BTBD7: variants seen among roughly 807,000 people sequenced by gnomAD.
BTBD7 encodes the protein BTB/POZ domain-containing protein 7.
BTBD7 carries 38 observed loss-of-function variants against 99.9 expected under a neutral mutation model. That is an observed-to-expected ratio of 0.38 (90% CI 0.29 to 0.50). The LOEUF is 0.50. BTBD7 is among the 20% of genes least tolerant of loss of function. BTBD7 has a pLI of 0.93. For synonymous variants in BTBD7, 520 were observed against 511.4 expected, an observed-to-expected ratio of 1.02 and a Z score of -0.23; for missense variants, 1,170 against 1,394.6, an observed-to-expected ratio of 0.84 and a Z score of 2.57.
chr14:93,316,426 A>AT (rs2053207587), intron 1 of BTBD7, among the ~76,000 whole-genome samples: 2 of 151,132 alleles, frequency 1.3e-5, no homozygotes, highest in South Asian at 2.1e-4. Context: ...ATTTATTTTT[A>AT]TTTTTTCTGT....
At chr14:93,259,299 T>G (rs1269890388) in intron 5 of BTBD7, among the ~76,000 whole-genome samples, 1 of 152,224 alleles carries the variant, frequency 6.6e-6, no homozygotes, top group Non-Finnish European at 1.5e-5. Context: ...ACTCATGTAT[T>G]ATCTCTGTAT....
In BTBD7 at chr14:93,257,297, C is replaced by T. The variant is rs1196781748; in HGVS notation, c.1506G>A (p.Arg502=). The T allele has an allele frequency of 1.2e-6, 2 of 1,614,048 alleles. No individual in the cohort carries two copies. Among genetic ancestry groups the T allele is most frequent in the Non-Finnish European group, 1.7e-6 (2 of 1,179,964 alleles). Residue 502 remains arginine (R), a synonymous_variant, in exon 6 of 11, where the codon CGG becomes CGA. Transcript: ENST00000334746. The part of the protein sequence containing the change: ...HSVNKRGVKR[R]DLDMEELREI... Reference sequence around the variant, plus strand: ...CTCTGAGCTCTTCCATGTCCAGGTCCCGTCTTTTTACACCTCTTTTGTTCA... The same window carrying T: ...CTCTGAGCTCTTCCATGTCCAGGTCTCGTCTTTTTACACCTCTTTTGTTCA...
chr14:93,256,292 T>C (rs1405127726), intron 6 of BTBD7: 1 of 152,196 alleles, frequency 6.6e-6, no homozygotes, highest in African/African-American at 2.4e-5. Context: ...TGTTTTATAA[T>C]GTTCCTGTGC....
intron 10 of BTBD7, 148 bp from the exon 11 acceptor site, chr14:93,243,236 C>A (rs143104911): frequency 3.1e-5 from 23 of 739,532 alleles, no homozygotes; most frequent in Non-Finnish European, 4.1e-5. Flanking sequence ...CTCTGTCGCC[C>A]GGGCTGGAGT....
At chr14:93,290,759 C>G (rs998743727) in intron 3 of BTBD7, among the ~76,000 whole-genome samples, 5 of 151,882 alleles carry the variant, frequency 3.3e-5, no homozygotes, top group African/African-American at 1.2e-4. Flanking sequence ...GGTGCGATCT[C>G]AGCTCACTGC....
chr14:93,329,391 A>G (rs1486521806), intron 1 of BTBD7, among the ~76,000 whole-genome samples: 5 of 152,206 alleles, frequency 3.3e-5, no homozygotes, highest in Non-Finnish European at 7.3e-5. Flanking sequence ...GTATTGGTGA[A>G]GATGTAGAGA....
chr14:93,297,647 T>A (rs1245193374), intron 1 of BTBD7, among the ~76,000 whole-genome samples: 2 of 152,154 alleles, frequency 1.3e-5, no homozygotes, highest in Non-Finnish European at 2.9e-5. Flanking sequence ...GTCTAACAAA[T>A]CTTACTTTTA....
At chr14:93,262,163 C>T (rs942507037) in intron 4 of BTBD7, among the ~76,000 whole-genome samples, 3 of 148,430 alleles carry the variant, frequency 2.0e-5, no homozygotes, top group Admixed American at 6.8e-5. Flanking sequence ...GAGGGAGTCT[C>T]GCGCTGTTGC....
In BTBD7 at chr14:93,277,784, C is replaced by T. The variant is rs79846550; in HGVS notation, c.1163-13791G>A. 3.2e-4 allele frequency among the ~76,000 whole-genome samples: 48 copies of T among 152,190 alleles called. 1 individual carries two copies. The highest frequency in any genetic ancestry group is 1.6e-3 in the Admixed American group (25 of 15,282). ...ACTACCAAAGCAAGCACAGGATTTG[C>T]GGGATGTGCAAGGGGGAAGGGAGGG... On this transcript the variant is annotated intron_variant, in intron 3 of 10. Transcript: ENST00000334746.
chr14:93,286,152 C>T (rs1414442843), intron 3 of BTBD7, among the ~76,000 whole-genome samples: 1 of 152,194 alleles, frequency 6.6e-6, no homozygotes, highest in Non-Finnish European at 1.5e-5. Flanking sequence ...AGAAAAAATT[C>T]TCTATAGTCC....
rs774228488 is a variant in BTBD7, at chr14:93,294,454, C to T, written c.566G>A (p.Gly189Asp). The change falls in exon 3 of 11, where the codon GGT (glycine) becomes GAT (aspartate). Residue 189 changes from glycine to aspartate, a missense_variant. Transcript: ENST00000334746. Reference protein sequence around the residue: ...AEIIMDINTAGIDMPMFSALL... With the variant: ...AEIIMDINTADIDMPMFSALL... ...AGCAGAAAACATGGGCATATCAATA[C>T]CAGCTGTATTGATGTCCATTATTAT... 1 of 1,614,102 alleles carries T rather than the reference C, an allele frequency of 6.2e-7. No homozygotes were observed. Among genetic ancestry groups the T allele is most frequent in the Non-Finnish European group, 8.5e-7 (1 of 1,180,034 alleles).
chr14:93,326,802 TA>T (rs71462002), intron 1 of BTBD7, among the ~76,000 whole-genome samples: 88,712 of 146,058 alleles, frequency 0.61, 28,358 homozygotes, highest in African/African-American at 0.86. Context: ...AAACTCTGTC[TA>T]AAAAAAAAAA....
At chr14:93,322,215 C>A (rs74440361) in intron 1 of BTBD7, among the ~76,000 whole-genome samples, 1 of 152,208 alleles carries the variant, frequency 6.6e-6, no homozygotes, top group Non-Finnish European at 1.5e-5. Flanking sequence ...TGGGCTCAAG[C>A]GATCCTTCCA....
intron 3 of BTBD7, among the ~76,000 whole-genome samples, chr14:93,284,207 T>C (rs189654613): frequency 1.0e-3 from 158 of 152,316 alleles, no homozygotes; most frequent in Middle Eastern, 3.4e-3. Flanking sequence ...CTTTTGAGAA[T>C]TTTCTAAATT....
Position 93,296,054 on chromosome 14 carries a change from T to C in BTBD7, c.-3A>G, listed in dbSNP as rs1339398831. On this transcript the variant is annotated 5_prime_UTR_variant, in exon 2 of 11. Transcript: ENST00000334746. ...TAATTAGATGCATTAGCACCCATTT[T>C]CTTCAGTCACTCAGGCATTCCGTCT... The C allele has an allele frequency of 2.5e-6, 4 of 1,613,550 alleles. No homozygotes were observed. In the Admixed American group the frequency reaches 6.7e-5, roughly 27 times the overall value.
At chr14:93,307,325 A>AT (rs751050613) in intron 1 of BTBD7, among the ~76,000 whole-genome samples, 58 of 151,720 alleles carry the variant, frequency 3.8e-4, no homozygotes, top group Admixed American at 1.4e-3. Context: ...AATTAAAAAC[A>AT]TTTTTTTTCT....
chr14:93,309,825 T>C (rs1376072436), intron 1 of BTBD7, among the ~76,000 whole-genome samples: 1 of 152,202 alleles, frequency 6.6e-6, no homozygotes, highest in African/African-American at 2.4e-5. Flanking sequence ...TCCTATTACT[T>C]GTTTTTCCTT....
chr14:93,282,529 C>T (rs1270409776), intron 3 of BTBD7, among the ~76,000 whole-genome samples: 2 of 152,022 alleles, frequency 1.3e-5, no homozygotes, highest in East Asian at 1.9e-4. Context: ...GATGGGGTTT[C>T]ACAATGTTGG....
rs369546807 is a variant in BTBD7, at chr14:93,298,186, C to T, written c.-106-2029G>A. Among the ~76,000 whole-genome samples, 9 of 152,214 alleles carry T rather than the reference C, an allele frequency of 5.9e-5. No individual in the cohort carries two copies. The East Asian group carries it at 7.7e-4, about 13-fold the overall frequency. ...GAAAAATCAGAAGCGTCTTCAGAAGCGGACAAGAATTTACTACTCTTACTT... is the reference window on the plus strand; with the variant it reads ...GAAAAATCAGAAGCGTCTTCAGAAGTGGACAAGAATTTACTACTCTTACTT... On this transcript the variant is annotated intron_variant, in intron 1 of 10. Transcript: ENST00000334746.
Sources: allele counts gnomAD v4.1 joint callset (sites outside exome capture counted in the v4.1 genomes callset), GRCh38; gene constraint gnomAD v4.1.1; transcripts MANE v1.5; gene names NCBI Gene and HGNC (gene_info 2026-07-23, HGNC 2026-07-21).